DNAH11: variants seen among roughly 807,000 people sequenced by gnomAD.
The protein encoded by DNAH11 is axonemal beta dynein heavy chain 11.
In DNAH11, 442 loss-of-function variants were observed where a neutral mutation model predicts 526.0. The observed-to-expected ratio is 0.84, with a 90% CI of 0.78 to 0.91. DNAH11 has a LOEUF of 0.91. Ranked by LOEUF, DNAH11 falls within the 40% of genes least tolerant of loss-of-function variation. The pLI, the probability that DNAH11 is intolerant of heterozygous loss-of-function variation, is 0.00. For missense variants in DNAH11, 6,989 were observed against 5,448.7 expected (o/e 1.28, Z -8.90); for synonymous variants, 2,461 against 1,935.9 (o/e 1.27, Z -7.12).
intron 73 of DNAH11, among the ~76,000 whole-genome samples, chr7:21,872,448 A>G (rs1412240951): frequency 6.6e-6 from 1 of 152,180 alleles, no homozygotes; most frequent in Non-Finnish European, 1.5e-5. Flanking sequence ...ATAATCTTAA[A>G]TGTTTTTCTT....
intron 2 of DNAH11, among the ~76,000 whole-genome samples, chr7:21,548,817 C>T (rs983411656): frequency 6.6e-6 from 1 of 152,134 alleles, no homozygotes; most frequent in Non-Finnish European, 1.5e-5. Flanking sequence ...AGTTCATATT[C>T]CCTATGGAGA....
rs772085365 is a variant in DNAH11, at chr7:21,892,589, T to C, written c.12672T>C (p.Thr4224=). ...EIEFLTVTSN[T]LFRTLLEMQP... is the part of the protein sequence containing the mutation. ...AATTCCTGACAGTGACATCCAACAC[T>C]CTCTTCAGAACTTTGCTGGAGATGC... The change falls in exon 77 of 82, where the codon ACT becomes ACC. Residue 4224 remains threonine (T), a synonymous_variant. Transcript: ENST00000409508. 8.1e-6 allele frequency: 13 copies of C among 1,613,772 alleles called. No homozygotes were observed. In the Admixed American group the frequency reaches 2.0e-4, roughly 25 times the overall value.
At chr7:21,799,942 G>A (rs2127992771) in intron 61 of DNAH11, among the ~76,000 whole-genome samples, 1 of 152,304 alleles carries the variant, frequency 6.6e-6, no homozygotes, top group South Asian at 2.1e-4. Flanking sequence ...ATGCTAGCAA[G>A]ATACCATAGT....
Position 21,543,386 on chromosome 7 carries a change from CA to C in DNAH11, c.142del (p.Arg48GlyfsTer21). The C allele has an allele frequency of 6.4e-7, 1 of 1,552,182 alleles. No homozygotes were observed. The highest frequency in any genetic ancestry group is 8.7e-7 in the Non-Finnish European group (1 of 1,147,178). The part of the protein sequence containing the change: ...EEENEEEAAA[R>X]RARSFAQDAR... ...AGGAGAACGAGGAGGAGGCGGCGGC[CA>C]GGAGAGCGCGGAGTTTCGCCCAAGA... On this transcript the variant is annotated frameshift_variant, in exon 1 of 82. Coordinates refer to ENST00000409508, the MANE Select transcript of DNAH11 (RefSeq NM_001277115.2). LOFTEE classifies it high-confidence loss of function.
chr7:21,718,511 T>G (rs981311483), intron 43 of DNAH11, among the ~76,000 whole-genome samples: 26 of 152,138 alleles, frequency 1.7e-4, no homozygotes, highest in African/African-American at 6.3e-4. Flanking sequence ...GGATGAAGAG[T>G]TCATAATATC....
intron 65 of DNAH11, among the ~76,000 whole-genome samples, chr7:21,839,746 C>T (rs1782134322): frequency 6.6e-6 from 1 of 152,108 alleles, no homozygotes. Context: ...CACCATTCAA[C>T]TAATAGGGTT....
chr7:21,650,953 T>TA (rs749284977), intron 28 of DNAH11, among the ~76,000 whole-genome samples: 1,535 of 118,902 alleles, frequency 0.013, 24 homozygotes, highest in African/African-American at 0.033. Flanking sequence ...AACTGTTATT[T>TA]TAAAAAAAAA....
chr7:21,778,903 C>T, intron 56 of DNAH11, 55 bp from the exon 57 acceptor site: 1 of 1,583,172 alleles, frequency 6.3e-7, no homozygotes, highest in Non-Finnish European at 8.6e-7. Context: ...TAAGCTCTAT[C>T]TGGGATTTGT....
At chr7:21,623,963 A>C (rs995187393) in intron 25 of DNAH11, among the ~76,000 whole-genome samples, 1 of 150,152 alleles carries the variant, frequency 6.7e-6, no homozygotes, top group Admixed American at 6.7e-5. Flanking sequence ...CTTAAAGTAT[A>C]ATAATAATAA....
At chr7:21,765,395 G>T (rs374275679) in intron 54 of DNAH11, 33 bp from the exon 55 acceptor site, 1 of 1,612,366 alleles carries the variant, frequency 6.2e-7, no homozygotes, top group Non-Finnish European at 8.5e-7. Flanking sequence ...TTCATCACCC[G>T]CCTGTTTCTG....
intron 25 of DNAH11, among the ~76,000 whole-genome samples, chr7:21,621,559 T>C (rs1304266632): frequency 6.6e-6 from 1 of 152,114 alleles, no homozygotes; most frequent in African/African-American, 2.4e-5. Flanking sequence ...TGAACATTGA[T>C]GCAAAAATCC....
chr7:21,864,713 C>T (rs1466036602), intron 70 of DNAH11, 56 bp downstream of exon 70: 1 of 1,486,168 alleles, frequency 6.7e-7, no homozygotes, highest in Middle Eastern at 1.8e-4. Flanking sequence ...TATTAGCTCT[C>T]TCCAGTGTTG....
At chr7:21,722,896 C>G (rs1026163599) in intron 44 of DNAH11, among the ~76,000 whole-genome samples, 7 of 152,122 alleles carry the variant, frequency 4.6e-5, no homozygotes. Context: ...ACATCTTCCC[C>G]CTCCTGCTCA....
chr7:21,861,840 T>A lies in DNAH11; in HGVS notation c.11203-13T>A. On this transcript the variant is annotated splice_polypyrimidine_tract_variant and intron_variant, in intron 68 of 81. Transcript: ENST00000409508. ...CAGTTGTCACATTTTAATGGTCACA[T>A]TAAATTTCCCAGGCTTTTAACGTGC... is the stretch of plus-strand genomic sequence containing the variant. 6.2e-7 allele frequency: 1 copy of A among 1,610,082 alleles called. No homozygotes were observed. The highest frequency in any genetic ancestry group is 8.5e-7 in the Non-Finnish European group (1 of 1,178,520).
At position 21,824,959 on chromosome 7, in the gene DNAH11, C is replaced by T. The variant is rs145372115; in HGVS notation, c.10691+6620C>T. 9.8e-3 allele frequency among the ~76,000 whole-genome samples: 1,489 copies of T among 152,258 alleles called. 21 individuals carry two copies. The highest frequency in any genetic ancestry group is 0.034 in the African/African-American group (1,397 of 41,538). ...GGATCTTGGCTCATTGCAACCTCCA[C>T]CTCCCAGGTTCAAGTGATTCTCCTG... On this transcript the variant is annotated intron_variant, in intron 65 of 81. Coordinates refer to ENST00000409508, the MANE Select transcript of DNAH11 (RefSeq NM_001277115.2).
chr7:21,808,763 T>G (rs1583719545), intron 63 of DNAH11, among the ~76,000 whole-genome samples: 1 of 152,344 alleles, frequency 6.6e-6, no homozygotes, highest in East Asian at 1.9e-4. Context: ...GTATATCATG[T>G]TTTCTTTATC....
chr7:21,606,064 C>T (rs1785266974), intron 18 of DNAH11, among the ~76,000 whole-genome samples: 1 of 152,158 alleles, frequency 6.6e-6, no homozygotes, highest in Non-Finnish European at 1.5e-5. Context: ...TGGCTCATGC[C>T]TGTAATCCCA....
In DNAH11 at chr7:21,861,994, C is replaced by A. The variant is rs780334924; in HGVS notation, c.11344C>A (p.Leu3782Ile). 1 of 1,613,188 alleles carries A rather than the reference C, an allele frequency of 6.2e-7. No homozygotes were observed. Among genetic ancestry groups the A allele is most frequent in the East Asian group, 2.2e-5 (1 of 44,856 alleles). Residue 3782 changes from leucine (L) to isoleucine (I), a missense_variant, in exon 69 of 82, where the codon CTC becomes ATC. Leu to Ile is a conservative substitution (Grantham distance 5). Coordinates refer to ENST00000409508, the MANE Select transcript of DNAH11 (RefSeq NM_001277115.2). Reference sequence around the variant, plus strand: ...CCAGGCGCTGTTTGAGAAGGACAAGCTCACCTTCCTGTCCCAGATGGCTTT... The same window carrying A: ...CCAGGCGCTGTTTGAGAAGGACAAGATCACCTTCCTGTCCCAGATGGCTTT... Reference protein sequence around the residue: ...TSQALFEKDKLTFLSQMAFQI... With the variant: ...TSQALFEKDKITFLSQMAFQI...
At chr7:21,556,979 T>C (rs749649634) in intron 2 of DNAH11, among the ~76,000 whole-genome samples, 7 of 151,876 alleles carry the variant, frequency 4.6e-5, no homozygotes, top group Non-Finnish European at 1.0e-4. Context: ...GAGAATCGCT[T>C]GAACCCAGGA....
Sources: allele counts gnomAD v4.1 joint callset (sites outside exome capture counted in the v4.1 genomes callset), GRCh38; gene constraint gnomAD v4.1.1; transcripts MANE v1.5; gene names NCBI Gene and HGNC (gene_info 2026-07-23, HGNC 2026-07-21).